Variants in ADGRL3 observed in about 807,000 individuals in gnomAD.
The protein encoded by ADGRL3 is adhesion G protein-coupled receptor L3.
In ADGRL3, 62 loss-of-function variants were observed where a neutral mutation model predicts 153.5. That is an observed-to-expected ratio of 0.40 (90% CI 0.33 to 0.50). The LOEUF is 0.50. Ranked by LOEUF, ADGRL3 falls within the 20% of genes least tolerant of loss-of-function variation. ADGRL3 has a pLI of 0.47. For synonymous variants in ADGRL3, 710 were observed against 672.5 expected, an observed-to-expected ratio of 1.06 and a Z score of -0.86; for missense variants, 1,641 against 1,859.4, an observed-to-expected ratio of 0.88 and a Z score of 2.16.
intron 9 of ADGRL3, among the ~76,000 whole-genome samples, chr4:61,880,327 C>T (rs1216194023): frequency 6.6e-6 from 1 of 151,958 alleles, no homozygotes; most frequent in East Asian, 1.9e-4. Context: ...CTTAAGGTTC[C>T]TTGAGACACT....
intron 13 of ADGRL3, among the ~76,000 whole-genome samples, chr4:61,920,633 G>T (rs2098764293): frequency 6.6e-6 from 1 of 152,186 alleles, no homozygotes; most frequent in African/African-American, 2.4e-5. Flanking sequence ...AATCATCAGA[G>T]ACCAAGGCTG....
At chr4:61,687,687 C>T (rs919548725) in intron 6 of ADGRL3, among the ~76,000 whole-genome samples, 2 of 151,790 alleles carry the variant, frequency 1.3e-5, no homozygotes, top group African/African-American at 4.8e-5. Flanking sequence ...CACTCATCTA[C>T]AATTTATATA....
chr4:61,229,148 G>A (rs902895204), intron 1 of ADGRL3, among the ~76,000 whole-genome samples: 1 of 152,190 alleles, frequency 6.6e-6, no homozygotes, highest in Admixed American at 6.5e-5. Flanking sequence ...CTGAGGCTTT[G>A]ATTATTTTAA....
intron 2 of ADGRL3, among the ~76,000 whole-genome samples, chr4:61,408,243 T>C (rs2097029838): frequency 6.6e-6 from 1 of 152,088 alleles, no homozygotes; most frequent in African/African-American, 2.4e-5. Flanking sequence ...ATGTTTTCTT[T>C]TTGTTAAAGA....
chr4:61,922,716 C>T (rs1257635587), intron 13 of ADGRL3, among the ~76,000 whole-genome samples: 1 of 152,120 alleles, frequency 6.6e-6, no homozygotes, highest in East Asian at 1.9e-4. Flanking sequence ...TTCATTCAAT[C>T]AGGCAGTATT....
intron 8 of ADGRL3, among the ~76,000 whole-genome samples, chr4:61,799,478 T>C (rs1172174454): frequency 6.6e-6 from 1 of 152,070 alleles, no homozygotes; most frequent in Non-Finnish European, 1.5e-5. Flanking sequence ...GAGGAAACAT[T>C]CTTCTATGAC....
At chr4:61,966,049 T>C (rs2099005327) in intron 17 of ADGRL3, among the ~76,000 whole-genome samples, 1 of 152,178 alleles carries the variant, frequency 6.6e-6, no homozygotes, top group African/African-American at 2.4e-5. Context: ...TAAAATGCAA[T>C]ACATTTATTC....
intron 3 of ADGRL3, among the ~76,000 whole-genome samples, chr4:61,511,361 G>A (rs958812242): frequency 6.6e-6 from 1 of 152,146 alleles, no homozygotes; most frequent in Admixed American, 6.5e-5. Context: ...GACAGAGTGA[G>A]ACTCTTGTCA....
At chr4:61,316,032 A>AT (rs2095199643) in intron 1 of ADGRL3, among the ~76,000 whole-genome samples, 1 of 152,184 alleles carries the variant, frequency 6.6e-6, no homozygotes, top group Middle Eastern at 3.2e-3. Context: ...GCTTAATTCC[A>AT]TTTGGGGGAG....
chr4:61,513,293 T>G (rs2098473390), intron 3 of ADGRL3, among the ~76,000 whole-genome samples: 1 of 152,210 alleles, frequency 6.6e-6, no homozygotes, highest in South Asian at 2.1e-4. Context: ...AGTATTGATC[T>G]CTGCAAGTTA....
chr4:61,929,363 A>G (rs2098807694), intron 13 of ADGRL3, among the ~76,000 whole-genome samples: 1 of 152,184 alleles, frequency 6.6e-6, no homozygotes, highest in African/African-American at 2.4e-5. Flanking sequence ...AAAATTGTCC[A>G]GTCTAAGGTA....
At chr4:61,685,407 A>T (rs562682962) in intron 6 of ADGRL3, among the ~76,000 whole-genome samples, 70 of 151,776 alleles carry the variant, frequency 4.6e-4, no homozygotes, top group African/African-American at 1.7e-3. Flanking sequence ...AGTTAATGTT[A>T]AAAAAAAATC....
chr4:61,953,302 G>A (rs1335777460), intron 17 of ADGRL3, among the ~76,000 whole-genome samples: 2 of 152,204 alleles, frequency 1.3e-5, no homozygotes, highest in African/African-American at 4.8e-5. Flanking sequence ...TAGAAAGAGT[G>A]CAAGAAGAGT....
chr4:62,066,835 A>G (rs1743226395), intron 25 of ADGRL3, among the ~76,000 whole-genome samples: 1 of 152,112 alleles, frequency 6.6e-6, no homozygotes, highest in Admixed American at 6.6e-5. Flanking sequence ...ATTGCAGCAG[A>G]CAGAATTGGA....
chr4:61,313,471 T>C (rs529314558), intron 1 of ADGRL3, among the ~76,000 whole-genome samples: 5 of 152,224 alleles, frequency 3.3e-5, no homozygotes, highest in African/African-American at 1.2e-4. Flanking sequence ...AGAGGGAACT[T>C]TGTGTGTGCC....
intron 21 of ADGRL3, among the ~76,000 whole-genome samples, chr4:62,010,265 C>T (rs2099179136): frequency 6.6e-6 from 1 of 152,028 alleles, no homozygotes; most frequent in Non-Finnish European, 1.5e-5. Flanking sequence ...GCGAACGAGG[C>T]CCCATGCTGA....
chr4:62,053,361 A>G (rs1735268113), intron 25 of ADGRL3, among the ~76,000 whole-genome samples: 1 of 151,582 alleles, frequency 6.6e-6, no homozygotes, highest in Non-Finnish European at 1.5e-5. Flanking sequence ...CACTTTATAT[A>G]GCTCAGCTTT....
intron 8 of ADGRL3, among the ~76,000 whole-genome samples, chr4:61,774,458 GTATA>G (rs1449184591): frequency 6.0e-5 from 9 of 150,054 alleles, no homozygotes; most frequent in Non-Finnish European, 1.2e-4. Context: ...AAACAATACA[GTATA>G]ACAACTGTCT....
chr4:61,304,317 G>C lies in ADGRL3; in HGVS notation c.-239-78807G>C, dbSNP rs1388550719. Among the ~76,000 whole-genome samples, 3 of 152,190 alleles carry C rather than the reference G, an allele frequency of 2.0e-5. No individual in the cohort carries two copies. In the East Asian group the frequency reaches 5.8e-4, roughly 29 times the overall value. ...AGGGAATACACACCTTGCTATTGTA[G>C]ATGAAATTCTCTCTATGTGTTTAAG... On this transcript the variant is annotated intron_variant, in intron 1 of 26. Coordinates refer to ENST00000683033, the MANE Select transcript of ADGRL3 (RefSeq NM_001387552.1).
Sources: gnomAD v4.1 joint callset for allele counts (sites outside exome capture counted in the v4.1 genomes callset) on GRCh38, gnomAD v4.1.1 for gene constraint, MANE v1.5 for transcripts, NCBI Gene and HGNC (gene_info 2026-07-23, HGNC 2026-07-21) for gene names.